PPP1R13B: variants seen among roughly 807,000 people sequenced by gnomAD.
The protein encoded by PPP1R13B is apoptosis-stimulating of p53 protein 1.
Under a neutral mutation model 119.8 loss-of-function variants are expected in PPP1R13B, and 44 were observed. The observed-to-expected ratio is 0.37, with a 90% CI of 0.29 to 0.47. The LOEUF (loss-of-function observed/expected upper bound fraction) is 0.47, where lower values mean the gene tolerates loss of function less well. Ranked by LOEUF, PPP1R13B falls within the 20% of genes least tolerant of loss-of-function variation. The probability of loss-of-function intolerance (pLI) is 0.99; values close to 1 mark genes in which losing one functional copy is unlikely to be tolerated. For missense variants in PPP1R13B, 1,227 were observed against 1,413.5 expected, an observed-to-expected ratio of 0.87 and a Z score of 2.12; for synonymous variants, 542 against 561.5, an observed-to-expected ratio of 0.97 and a Z score of 0.49.
At chr14:103,763,871 G>A (rs1035342122) in intron 4 of PPP1R13B, 3 of 152,264 alleles carry the variant, frequency 2.0e-5, no homozygotes, top group Non-Finnish European at 2.9e-5. Context: ...ACTTTCTTCC[G>A]GACGCTTCAT....
Position 103,737,698 on chromosome 14 carries a change from T to C in PPP1R13B, c.3027A>G (p.Leu1009=), listed in dbSNP as rs755837911. The change falls in exon 15 of 17, where the codon CTA becomes CTG. Residue 1009 remains leucine (L), a synonymous_variant. Transcript: ENST00000202556. ...EEGYIQCSQF[L]YGVQEKLGVM... ...CCCCAGGCCTCCCCTGCGTACCATA[T>C]AGAAACTGGGAGCACTGGATGTAGC... The C allele has an allele frequency of 2.2e-5, 35 of 1,614,034 alleles. No individual in the cohort carries two copies. Among genetic ancestry groups the C allele is most frequent in the African/African-American group, 4.0e-5 (3 of 74,946 alleles).
At chr14:103,848,019 G>C (rs890054459), upstream of PPP1R13B, among the ~76,000 whole-genome samples, 6 of 151,682 alleles carry the variant, frequency 4.0e-5, no homozygotes, top group African/African-American at 1.5e-4. Flanking sequence ...CCCGGCTGCC[G>C]GCGCGCCGTG....
intron 1 of PPP1R13B, among the ~76,000 whole-genome samples, chr14:103,808,545 G>A (rs894575233): frequency 2.0e-5 from 3 of 152,224 alleles, no homozygotes. Context: ...TGGGCCTCCT[G>A]TGGCCCGGTG....
At chr14:103,848,194 C>G, upstream of PPP1R13B, 1 of 969,132 alleles carries the variant, frequency 1.0e-6, no homozygotes, top group Non-Finnish European at 1.2e-6. Context: ...GCCCCCCGCA[C>G]CAGCTCCCGA....
intron 2 of PPP1R13B, among the ~76,000 whole-genome samples, chr14:103,794,328 GT>G (rs60972985): frequency 0.13 from 17,869 of 140,460 alleles, 1,554 homozygotes; most frequent in African/African-American, 0.26. Context: ...TTTGTTTTTT[GT>G]TTTTTTTTTT....
intron 1 of PPP1R13B, among the ~76,000 whole-genome samples, chr14:103,845,469 G>T (rs1367000248): frequency 6.6e-6 from 1 of 152,040 alleles, no homozygotes; most frequent in African/African-American, 2.4e-5. Context: ...TAATAGACCT[G>T]TTTTTTTAAA....
chr14:103,801,443 T>G (rs1453801936), intron 1 of PPP1R13B, among the ~76,000 whole-genome samples: 1 of 152,010 alleles, frequency 6.6e-6, no homozygotes, highest in Non-Finnish European at 1.5e-5. Flanking sequence ...ATCAATGGAG[T>G]TCTCTCTGGC....
At chr14:103,813,289 C>T (rs963600862) in intron 1 of PPP1R13B, among the ~76,000 whole-genome samples, 7 of 151,752 alleles carry the variant, frequency 4.6e-5, no homozygotes, top group Non-Finnish European at 8.8e-5. Context: ...ACGTCCCCAC[C>T]GTACTTTCTG....
chr14:103,773,972 T>C (rs541816583), intron 4 of PPP1R13B, among the ~76,000 whole-genome samples: 102 of 152,308 alleles, frequency 6.7e-4, no homozygotes, highest in African/African-American at 2.4e-3. Context: ...TAGCAATGAA[T>C]GCTTCTGGAA....
chr14:103,740,295 C>T lies in PPP1R13B; in HGVS notation c.2121G>A (p.Lys707=). 6.3e-7 allele frequency: 1 copy of T among 1,589,222 alleles called. No individual in the cohort carries two copies. Among genetic ancestry groups the T allele is most frequent in the South Asian group, 1.1e-5 (1 of 88,608 alleles). ...CCTCGGGCTCTGTGATGGAGCTGCG[C>T]TTTTTCAGGGGCCGGGGCGCGTTGG... is the stretch of plus-strand genomic sequence containing the variant. ...KLANAPRPLK[K]RSSITEPEGP... The change falls in exon 12 of 17, where the codon AAG becomes AAA. Residue 707 remains lysine (K), a synonymous_variant. Transcript: ENST00000202556. The surrounding 1 kb of genome is among the most constrained non-coding windows in gnomAD (Gnocchi z 4.6).
intron 1 of PPP1R13B, among the ~76,000 whole-genome samples, chr14:103,826,711 A>G (rs915687339): frequency 6.5e-5 from 8 of 122,752 alleles, no homozygotes; most frequent in Non-Finnish European, 7.2e-5. Flanking sequence ...TGTCTCTACC[A>G]AAAAAAAAAA....
At chr14:103,826,773 C>T (rs569515106) in intron 1 of PPP1R13B, among the ~76,000 whole-genome samples, 23 of 150,470 alleles carry the variant, frequency 1.5e-4, no homozygotes, top group Non-Finnish European at 2.4e-4. Context: ...CTTTGGGAGG[C>T]CAAGGCGGGC....
At chr14:103,815,467 CA>C (rs932985209) in intron 1 of PPP1R13B, among the ~76,000 whole-genome samples, 41 of 152,096 alleles carry the variant, frequency 2.7e-4, no homozygotes, top group African/African-American at 7.5e-4. Flanking sequence ...TTAAAAAACA[CA>C]AACACAGGCT....
intron 1 of PPP1R13B, among the ~76,000 whole-genome samples, chr14:103,804,640 T>A (rs1405332774): frequency 6.6e-6 from 1 of 151,866 alleles, no homozygotes; most frequent in Non-Finnish European, 1.5e-5. Context: ...GACACTGAGG[T>A]AGAGGATCAC....
At chr14:103,845,969 C>T (rs2087020831) in intron 1 of PPP1R13B, among the ~76,000 whole-genome samples, 1 of 152,294 alleles carries the variant, frequency 6.6e-6, no homozygotes, top group African/African-American at 2.4e-5. Context: ...CTCAGGACAG[C>T]GCTCAGATAT....
chr14:103,800,676 CAAAA>C (rs1362156320), intron 1 of PPP1R13B, among the ~76,000 whole-genome samples: 1 of 150,436 alleles, frequency 6.6e-6, no homozygotes, highest in Non-Finnish European at 1.5e-5. Context: ...AAACAAAAAA[CAAAA>C]AAAAAGATTT....
upstream of PPP1R13B, among the ~76,000 whole-genome samples, chr14:103,848,063 G>T (rs1185172631): frequency 1.3e-5 from 2 of 151,920 alleles, no homozygotes; most frequent in Admixed American, 1.3e-4. Context: ...GGAGGGGCGC[G>T]GGGGGCCCCC....
chr14:103,753,022 T>C lies in PPP1R13B; in HGVS notation c.806A>G (p.Lys269Arg), dbSNP rs1353612512. ...KLTGPAAVELKRLYQELQIRN... is the reference protein window; with the variant it reads ...KLTGPAAVELRRLYQELQIRN... Reference sequence around the variant, plus strand: ...TACCTGTAGTTCTTGGTACAGTCTTTTTAACTCCACCGCCGCTGGTCCCGT... The same window carrying C: ...TACCTGTAGTTCTTGGTACAGTCTTCTTAACTCCACCGCCGCTGGTCCCGT... The change falls in exon 7 of 17, where the codon AAA (lysine) becomes AGA (arginine). Residue 269 changes from lysine to arginine, a missense_variant. By Grantham distance (26) the Lys-to-Arg change is conservative. Transcript: ENST00000202556. The C allele has an allele frequency of 1.2e-6, 2 of 1,614,068 alleles. No homozygotes were observed. The highest frequency in any genetic ancestry group is 1.7e-5 in the Admixed American group (1 of 60,002).
chr14:103,813,601 G>C (rs1336400820), intron 1 of PPP1R13B, among the ~76,000 whole-genome samples: 4 of 152,206 alleles, frequency 2.6e-5, no homozygotes, highest in African/African-American at 7.2e-5. Flanking sequence ...CGCCATGATT[G>C]TAAGTTCCTG....
Sources: gnomAD v4.1 joint callset for allele counts (sites outside exome capture counted in the v4.1 genomes callset) on GRCh38, gnomAD v4.1.1 for gene constraint, Gnocchi (gnomAD v3.1) non-coding constraint, MANE v1.5 for transcripts, NCBI Gene and HGNC (gene_info 2026-07-23, HGNC 2026-07-21) for gene names.